The following TNR variants were observed in gnomAD, a reference collection of about 807,000 sequenced individuals.
TNR encodes tenascin-R.
In TNR, 45 loss-of-function variants were observed where a neutral mutation model predicts 150.4. That is an observed-to-expected ratio of 0.30 (90% CI 0.24 to 0.38). The LOEUF (loss-of-function observed/expected upper bound fraction) is 0.38. Among genes scored for constraint, TNR ranks in the 10% least tolerant of loss-of-function variants. The pLI is 1.00. For missense variants in TNR, 1,544 were observed against 1,759.1 expected (o/e 0.88, Z 2.19); for synonymous variants, 687 against 678.4 (o/e 1.01, Z -0.20).
chr1:175,493,052 C>T (rs56179456), intron 2 of TNR, among the ~76,000 whole-genome samples: 4,776 of 152,102 alleles, frequency 0.031, 89 homozygotes, highest in African/African-American at 0.05. Context: ...CGCATTTCTC[C>T]TGTGACACAT....
intron 1 of TNR, among the ~76,000 whole-genome samples, chr1:175,630,733 C>T (rs1033643475): frequency 4.6e-5 from 7 of 152,092 alleles, no homozygotes; most frequent in African/African-American, 1.7e-4. Context: ...AAAACACAAC[C>T]TTTTATAACT....
intron 1 of TNR, among the ~76,000 whole-genome samples, chr1:175,683,772 A>G (rs1305450146): frequency 1.3e-5 from 2 of 152,232 alleles, no homozygotes; most frequent in Non-Finnish European, 2.9e-5. Context: ...AAACCCCAGG[A>G]GATCAGCTTC....
intron 18 of TNR, among the ~76,000 whole-genome samples, chr1:175,346,106 C>A (rs368841744): frequency 2.0e-5 from 3 of 152,020 alleles, no homozygotes; most frequent in East Asian, 1.9e-4. Context: ...ATGAAAAAAA[C>A]CACAAAAGTT....
chr1:175,416,129 T>TATACACACACAC (rs35195740), intron 2 of TNR, among the ~76,000 whole-genome samples: 23 of 151,354 alleles, frequency 1.5e-4, no homozygotes, highest in African/African-American at 5.6e-4. Flanking sequence ...TATATATATA[T>TATACACACACAC]ACACACACAC....
intron 2 of TNR, among the ~76,000 whole-genome samples, chr1:175,478,029 C>T (rs549343516): frequency 5.1e-4 from 77 of 152,266 alleles, no homozygotes; most frequent in African/African-American, 1.8e-3. Flanking sequence ...TCAAAGAATG[C>T]AAATTCACTT....
intron 1 of TNR, among the ~76,000 whole-genome samples, chr1:175,560,247 G>A (rs532752840): frequency 5.0e-4 from 76 of 152,284 alleles, no homozygotes; most frequent in Non-Finnish European, 8.4e-4. Context: ...TATATTTTGA[G>A]TCCTAACTCT....
Position 175,491,925 on chromosome 1 carries a change from A to AG in TNR, c.-64+36343dup, listed in dbSNP as rs1244565366. 4.0e-5 allele frequency among the ~76,000 whole-genome samples: 6 copies of AG among 151,210 alleles called. No individual in the cohort carries two copies. The East Asian group carries it at 7.9e-4, about 20-fold the overall frequency. On this transcript the variant is annotated intron_variant, in intron 2 of 22. Transcript: ENST00000367674. Reference sequence around the variant, plus strand: ...TGGCCTCCCAAAGTGCTGGGATTACAGCGTGAGCCACCACGCCCAGCCAGG... The same window carrying AG: ...TGGCCTCCCAAAGTGCTGGGATTACAGGCGTGAGCCACCACGCCCAGCCAGG...
At chr1:175,548,640 C>T (rs913889074) in intron 1 of TNR, among the ~76,000 whole-genome samples, 1 of 148,454 alleles carries the variant, frequency 6.7e-6, no homozygotes, top group Non-Finnish European at 1.5e-5. Context: ...ACTGGCTCTC[C>T]TCCTGGTTTT....
chr1:175,410,953 T>C (rs1338811084), intron 2 of TNR, among the ~76,000 whole-genome samples: 2 of 152,226 alleles, frequency 1.3e-5, no homozygotes, highest in Non-Finnish European at 2.9e-5. Context: ...TTGACTTTAA[T>C]GGATTATTCT....
intron 2 of TNR, among the ~76,000 whole-genome samples, chr1:175,505,384 C>A (rs915874739): frequency 1.3e-5 from 2 of 152,234 alleles, no homozygotes; most frequent in African/African-American, 2.4e-5. Context: ...GCTGACTGAG[C>A]GAGCAGGGAG....
Position 175,325,702 on chromosome 1 carries a change from G to A in TNR, c.3794-1183C>T, listed in dbSNP as rs541685660. 2.7e-3 allele frequency among the ~76,000 whole-genome samples: 406 copies of A among 152,314 alleles called. 2 individuals carry two copies. The highest frequency in any genetic ancestry group is 9.4e-3 in the African/African-American group (391 of 41,560). ...ACTATGCAGCCATAAAAAAGAATGAGTTCATGTCCTTTGCAGGGACATGGA... is the reference window on the plus strand; with the variant it reads ...ACTATGCAGCCATAAAAAAGAATGAATTCATGTCCTTTGCAGGGACATGGA... On this transcript the variant is annotated intron_variant, in intron 21 of 22. Coordinates refer to ENST00000367674, the MANE Select transcript of TNR (RefSeq NM_003285.3).
intron 2 of TNR, among the ~76,000 whole-genome samples, chr1:175,438,080 G>A (rs1655601621): frequency 6.6e-6 from 1 of 152,132 alleles, no homozygotes; most frequent in South Asian, 2.1e-4. Context: ...AATAAAAAAA[G>A]AGAATTTTAG....
In TNR at chr1:175,460,914, T is replaced by C. The variant is rs139068393; in HGVS notation, c.-63-54137A>G. 1.1e-3 allele frequency among the ~76,000 whole-genome samples: 163 copies of C among 152,318 alleles called. 1 individual carries two copies. The highest frequency in any genetic ancestry group is 3.3e-3 in the African/African-American group (136 of 41,572). On this transcript the variant is annotated intron_variant, in intron 2 of 22. Coordinates refer to ENST00000367674, the MANE Select transcript of TNR (RefSeq NM_003285.3). ...ATACATGCACCCACACACATGTACA[T>C]GCTCATATATATGTGTGCACATATG...
chr1:175,436,206 T>C (rs1300861259), intron 2 of TNR, among the ~76,000 whole-genome samples: 1 of 152,226 alleles, frequency 6.6e-6, no homozygotes, highest in East Asian at 1.9e-4. Context: ...TTGGGGAAGT[T>C]CTCTTGGATA....
chr1:175,644,390 C>T (rs1664750876), intron 1 of TNR, among the ~76,000 whole-genome samples: 1 of 152,156 alleles, frequency 6.6e-6, no homozygotes, highest in Non-Finnish European at 1.5e-5. Context: ...GCAGTCTAAC[C>T]AGATTATGGC....
Position 175,534,023 on chromosome 1 carries a change from G to A in TNR, c.-164-5654C>T, listed in dbSNP as rs373530895. ...TTGCTTTAAGGTCTGAACTGAAGAA[G>A]AGAAGAGAGGAGCTTTTTAAATGTT... is the stretch of plus-strand genomic sequence containing the variant. On this transcript the variant is annotated intron_variant, in intron 1 of 22. Coordinates refer to ENST00000367674, the MANE Select transcript of TNR (RefSeq NM_003285.3). Among the ~76,000 whole-genome samples the A allele has an allele frequency of 4.5e-4, 69 of 152,366 alleles. 1 individual carries two copies. The South Asian group carries it at 0.014, about 31-fold the overall frequency.
At chr1:175,393,283 C>T (rs1557904322) in intron 6 of TNR, among the ~76,000 whole-genome samples, 1 of 152,112 alleles carries the variant, frequency 6.6e-6, no homozygotes, top group African/African-American at 2.4e-5. Context: ...TATGAATAAT[C>T]CAGGAGAGCC....
intron 1 of TNR, among the ~76,000 whole-genome samples, chr1:175,675,150 CAGACA>C (rs1357879764): frequency 6.6e-6 from 1 of 152,214 alleles, no homozygotes; most frequent in East Asian, 1.9e-4. Context: ...AGCAGCCAGG[CAGACA>C]AGGACCTCTC....
At chr1:175,718,332 T>C (rs1426335296) in intron 1 of TNR, among the ~76,000 whole-genome samples, 1 of 152,202 alleles carries the variant, frequency 6.6e-6, no homozygotes, top group Non-Finnish European at 1.5e-5. Flanking sequence ...TTTATGTTTC[T>C]GGATGAATAA....
Sources: gnomAD v4.1 joint callset for allele counts (sites outside exome capture counted in the v4.1 genomes callset) on GRCh38, gnomAD v4.1.1 for gene constraint, MANE v1.5 for transcripts, NCBI Gene and HGNC (gene_info 2026-07-23, HGNC 2026-07-21) for gene names.